PLEKHA1: variants seen among roughly 807,000 people sequenced by gnomAD.
PLEKHA1 encodes the protein pleckstrin homology domain containing A1.
Under a neutral mutation model 52.0 loss-of-function variants are expected in PLEKHA1, and 34 were observed. That is an observed-to-expected ratio of 0.65 (90% CI 0.50 to 0.87). PLEKHA1 has a LOEUF of 0.87. PLEKHA1 is among the 40% of genes least tolerant of loss of function. The probability of loss-of-function intolerance (pLI) is 0.00; values close to 1 mark genes in which losing one functional copy is unlikely to be tolerated. For synonymous variants in PLEKHA1, 163 were observed against 170.7 expected, an observed-to-expected ratio of 0.95 and a Z score of 0.35; for missense variants, 497 against 504.2, an observed-to-expected ratio of 0.99 and a Z score of 0.14.
chr10:122,418,734 T>C (rs1185847556), intron 8 of PLEKHA1: 1 of 152,200 alleles, frequency 6.6e-6, no homozygotes, highest in East Asian at 1.9e-4. Flanking sequence ...TAAAATATTG[T>C]AGGGTGATCT....
chr10:122,423,114 T>TC (rs942670764), intron 8 of PLEKHA1: 1 of 151,706 alleles, frequency 6.6e-6, no homozygotes, highest in African/African-American at 2.4e-5. Flanking sequence ...TCTATGATTT[T>TC]TTTTTTTTTT....
At chr10:122,379,411 C>T (rs1445382096) in intron 1 of PLEKHA1, among the ~76,000 whole-genome samples, 2 of 151,746 alleles carry the variant, frequency 1.3e-5, no homozygotes, top group African/African-American at 2.4e-5. Flanking sequence ...TCTCTTTGTC[C>T]CCCTTTTCAA....
chr10:122,392,619 C>T (rs1264812617), intron 1 of PLEKHA1, among the ~76,000 whole-genome samples: 1 of 152,066 alleles, frequency 6.6e-6, no homozygotes, highest in Non-Finnish European at 1.5e-5. Context: ...GGCTTTGACT[C>T]TTGGCCTACT....
intron 1 of PLEKHA1, among the ~76,000 whole-genome samples, chr10:122,382,041 T>C (rs2096622221): frequency 6.6e-6 from 1 of 152,166 alleles, no homozygotes; most frequent in Admixed American, 6.5e-5. Context: ...ACTCCAACAA[T>C]AGAGGTCTGG....
At chr10:122,429,572 C>T (rs1332100748) in intron 11 of PLEKHA1, 52 bp from the exon 12 acceptor site, 70 of 1,538,258 alleles carry the variant, frequency 4.6e-5, no homozygotes, top group Non-Finnish European at 6.0e-5. Context: ...CACTGAGTTA[C>T]TAACCTGGTC....
At chr10:122,422,129 T>C (rs1032670906) in intron 8 of PLEKHA1, 2 of 151,934 alleles carry the variant, frequency 1.3e-5, no homozygotes, top group African/African-American at 4.8e-5. Context: ...AGAATAAAAA[T>C]GAGTCATAAA....
intron 1 of PLEKHA1, among the ~76,000 whole-genome samples, chr10:122,376,354 GTATT>G (rs1349077336): frequency 2.0e-5 from 3 of 151,738 alleles, no homozygotes; most frequent in Non-Finnish European, 4.4e-5. Flanking sequence ...TTAAAAAAGA[GTATT>G]TAAGTTTGAC....
At chr10:122,405,036 T>G (rs2096987809) in intron 4 of PLEKHA1, among the ~76,000 whole-genome samples, 1 of 152,196 alleles carries the variant, frequency 6.6e-6, no homozygotes, top group South Asian at 2.1e-4. Context: ...TTTATGCTTT[T>G]AAAAATAAAT....
chr10:122,380,615 A>G (rs796388097), intron 1 of PLEKHA1, among the ~76,000 whole-genome samples: 4 of 152,242 alleles, frequency 2.6e-5, no homozygotes, highest in African/African-American at 9.6e-5. Context: ...GACGAGGCTT[A>G]GTGGTCTTTA....
At chr10:122,405,311 A>G (rs187013131) in intron 4 of PLEKHA1, among the ~76,000 whole-genome samples, 3 of 152,276 alleles carry the variant, frequency 2.0e-5, no homozygotes, top group Admixed American at 6.5e-5. Context: ...TTCATAGTAT[A>G]TTTCTGTCTG....
chr10:122,412,970 T>C lies in PLEKHA1; in HGVS notation c.393T>C (p.His131=), dbSNP rs1214710065. ...CTAATTCTGATAACCTAAGTCGCCA[T>C]GGTGAATGTGGGAAAAAGCAAGTGT... ...SQPNSDNLSR[H]GECGKKQVSY... Residue 131 remains histidine, a synonymous_variant, in exon 6 of 12, where the codon CAT becomes CAC. Transcript: ENST00000368990. 9 of 1,613,454 alleles carry C rather than the reference T, an allele frequency of 5.6e-6. No individual in the cohort carries two copies. The highest frequency in any genetic ancestry group is 7.6e-6 in the Non-Finnish European group (9 of 1,179,638).
chr10:122,438,436 T>C, the PLEKHA1 span: 1 of 152,340 alleles, frequency 6.6e-6, no homozygotes, highest in African/African-American at 2.4e-5. Context: ...AATGCACAGG[T>C]GTTTATCTGG....
chr10:122,383,235 C>G (rs2096639428), intron 1 of PLEKHA1, among the ~76,000 whole-genome samples: 1 of 152,034 alleles, frequency 6.6e-6, no homozygotes, highest in Non-Finnish European at 1.5e-5. Flanking sequence ...TTATTCCCTT[C>G]TCTAAAAATT....
intron 4 of PLEKHA1, among the ~76,000 whole-genome samples, chr10:122,401,861 C>A (rs1467222476): frequency 6.6e-6 from 1 of 152,126 alleles, no homozygotes; most frequent in Non-Finnish European, 1.5e-5. Context: ...AAGTTCTTTG[C>A]TCTCTTTTGC....
chr10:122,406,413 T>C (rs1350382027), intron 4 of PLEKHA1, among the ~76,000 whole-genome samples, 163 bp from the exon 5 acceptor site: 1 of 152,158 alleles, frequency 6.6e-6, no homozygotes, highest in Admixed American at 6.5e-5. Flanking sequence ...GAGTTTTACC[T>C]GTGTTATTGT....
At chr10:122,403,431 T>C (rs2096958955) in intron 4 of PLEKHA1, among the ~76,000 whole-genome samples, 1 of 152,178 alleles carries the variant, frequency 6.6e-6, no homozygotes, top group African/African-American at 2.4e-5. Context: ...GTTAAGCTAA[T>C]GTTTATGCTT....
intron 5 of PLEKHA1, among the ~76,000 whole-genome samples, chr10:122,410,175 A>G (rs2097088179): frequency 6.6e-6 from 1 of 152,192 alleles, no homozygotes; most frequent in Admixed American, 6.5e-5. Context: ...TCACTCATAA[A>G]TACTTAAATC....
intron 2 of PLEKHA1, among the ~76,000 whole-genome samples, chr10:122,394,976 T>C (rs572768760): frequency 1.3e-5 from 2 of 152,318 alleles, no homozygotes; most frequent in East Asian, 3.9e-4. Context: ...AAACTTGAAC[T>C]TGGAATTCAG....
At chr10:122,433,674 T>G (rs951849419), downstream of PLEKHA1, 6 of 152,208 alleles carry the variant, frequency 3.9e-5, no homozygotes, top group African/African-American at 1.4e-4. Flanking sequence ...CTGTGTGTGT[T>G]CTAATATGCT....
Sources: allele counts gnomAD v4.1 joint callset (sites outside exome capture counted in the v4.1 genomes callset), GRCh38; gene constraint gnomAD v4.1.1; transcripts MANE v1.5; gene names NCBI Gene and HGNC (gene_info 2026-07-23, HGNC 2026-07-21).